Variants in ITSN1 observed in about 807,000 individuals in gnomAD.
ITSN1 encodes the protein intersectin-1.
Under a neutral mutation model 239.8 loss-of-function variants are expected in ITSN1, and 58 were observed. That is an observed-to-expected ratio of 0.24 (90% CI 0.20 to 0.30). The LOEUF (loss-of-function observed/expected upper bound fraction) is 0.30, where lower values mean the gene tolerates loss of function less well. Among genes scored for constraint, ITSN1 ranks in the 10% least tolerant of loss-of-function variants. The pLI, the probability that ITSN1 is intolerant of heterozygous loss-of-function variation, is 1.00. For missense variants in ITSN1, 1,558 were observed against 2,103.3 expected, an observed-to-expected ratio of 0.74 and a Z score of 5.07; for synonymous variants, 780 against 770.8, an observed-to-expected ratio of 1.01 and a Z score of -0.20.
Position 33,750,360 on chromosome 21 carries a change from T to C in ITSN1, c.526+38T>C, listed in dbSNP as rs1262781740. On this transcript the variant is annotated intron_variant, in intron 6 of 39. Transcript: ENST00000381318. ...CTGAAACCATAGGCTGAGTTTTTACTACTTGTATTTTGCTGTTCATTATTA... is the reference window on the plus strand; with the variant it reads ...CTGAAACCATAGGCTGAGTTTTTACCACTTGTATTTTGCTGTTCATTATTA... The C allele has an allele frequency of 3.2e-6, 5 of 1,567,082 alleles. No homozygotes were observed. In the East Asian group the frequency reaches 1.1e-4, roughly 35 times the overall value.
intron 5 of ITSN1, among the ~76,000 whole-genome samples, chr21:33,744,689 A>C (rs1004602134): frequency 3.9e-5 from 6 of 152,234 alleles, no homozygotes; most frequent in Non-Finnish European, 7.3e-5. Flanking sequence ...TTATCAAAGC[A>C]TAGTAGGAGG....
chr21:33,814,757 T>A (rs1296878548), intron 22 of ITSN1, among the ~76,000 whole-genome samples: 1 of 151,828 alleles, frequency 6.6e-6, no homozygotes, highest in Non-Finnish European at 1.5e-5. Context: ...GCAGGAAGAT[T>A]AGAGTGGAGG....
At chr21:33,674,380 C>T (rs1374094428) in intron 1 of ITSN1, among the ~76,000 whole-genome samples, 2 of 152,188 alleles carry the variant, frequency 1.3e-5, no homozygotes, top group Admixed American at 1.3e-4. Flanking sequence ...CAGTGGTTCT[C>T]AAATCTAGCA....
At chr21:33,735,473 G>A (rs371779628) in intron 5 of ITSN1, 3 of 372,336 alleles carry the variant, frequency 8.1e-6, no homozygotes, top group African/African-American at 2.1e-5. Context: ...CGCTGCTGCA[G>A]CTTCTGGGTT....
intron 1 of ITSN1, among the ~76,000 whole-genome samples, chr21:33,654,133 A>G (rs1357789416): frequency 1.3e-5 from 2 of 150,826 alleles, no homozygotes; most frequent in Non-Finnish European, 3.0e-5. Context: ...TGTATCCCCA[A>G]CCTTCCAGGT....
intron 1 of ITSN1, among the ~76,000 whole-genome samples, chr21:33,661,449 T>TA (rs2089550269): frequency 6.6e-6 from 1 of 152,118 alleles, no homozygotes; most frequent in Admixed American, 6.5e-5. Flanking sequence ...TTTTTTTTTT[T>TA]ATGTGAGTGT....
At chr21:33,847,243 C>T (rs771900849) in intron 29 of ITSN1, among the ~76,000 whole-genome samples, 2 of 152,222 alleles carry the variant, frequency 1.3e-5, no homozygotes, top group African/African-American at 4.8e-5. Flanking sequence ...TGGGGCTGTC[C>T]AGGAACCGGT....
chr21:33,726,475 C>T (rs1162758728), intron 4 of ITSN1, among the ~76,000 whole-genome samples: 1 of 151,696 alleles, frequency 6.6e-6, no homozygotes, highest in Non-Finnish European at 1.5e-5. Flanking sequence ...GTCCTTGTGT[C>T]AGTCATCTGG....
At chr21:33,761,215 A>G (rs2068299829) in intron 8 of ITSN1, among the ~76,000 whole-genome samples, 1 of 151,986 alleles carries the variant, frequency 6.6e-6, no homozygotes, top group South Asian at 2.1e-4. Context: ...AACTGTGACC[A>G]CAGGCTCATG....
At chr21:33,649,623 T>G (rs1274619541) in intron 1 of ITSN1, among the ~76,000 whole-genome samples, 1 of 151,990 alleles carries the variant, frequency 6.6e-6, no homozygotes, top group Non-Finnish European at 1.5e-5. Flanking sequence ...TCTGCTGGAG[T>G]CATGTGGTAG....
intron 1 of ITSN1, among the ~76,000 whole-genome samples, chr21:33,686,805 G>T (rs2091264031): frequency 6.6e-6 from 1 of 152,168 alleles, no homozygotes. Flanking sequence ...GAGAATTATA[G>T]AATGAATGTG....
chr21:33,851,248 C>T (rs1408069201), intron 29 of ITSN1, among the ~76,000 whole-genome samples: 2 of 152,094 alleles, frequency 1.3e-5, no homozygotes, highest in Non-Finnish European at 2.9e-5. Context: ...CCATAGCCCC[C>T]AGTGTATGGT....
intron 4 of ITSN1, among the ~76,000 whole-genome samples, chr21:33,734,110 G>T (rs1272894851): frequency 1.3e-5 from 2 of 151,550 alleles, no homozygotes; most frequent in African/African-American, 2.4e-5. Context: ...TCATAATATT[G>T]GTTTAAAAAA....
At chr21:33,858,910 T>C (rs1471856592) in intron 31 of ITSN1, 118 bp downstream of exon 31, 1 of 545,512 alleles carries the variant, frequency 1.8e-6, no homozygotes, top group Admixed American at 3.3e-5. Context: ...CTGGCTTTTT[T>C]TTTTTCTTCT....
At chr21:33,822,955 A>C (rs1230400558) in intron 24 of ITSN1, among the ~76,000 whole-genome samples, 2 of 152,236 alleles carry the variant, frequency 1.3e-5, no homozygotes, top group Non-Finnish European at 2.9e-5. Flanking sequence ...AGGCACTTCA[A>C]TAAGGAAAAG....
At position 33,737,142 on chromosome 21, in the gene ITSN1, A is replaced by G. The variant is rs573517619; in HGVS notation, c.346+1938A>G. 7.2e-5 allele frequency among the ~76,000 whole-genome samples: 11 copies of G among 152,268 alleles called. 1 individual carries two copies. The South Asian group carries it at 1.5e-3, about 20-fold the overall frequency. ...TGGGGTCAATAATTTTTCCTGTACC[A>G]TTTAATTCATTTTCTCTTATTCCAT... On this transcript the variant is annotated intron_variant, in intron 5 of 39. Transcript: ENST00000381318.
chr21:33,813,496 G>C (rs1445256231), intron 21 of ITSN1, among the ~76,000 whole-genome samples: 2 of 151,630 alleles, frequency 1.3e-5, no homozygotes, highest in African/African-American at 4.9e-5. Context: ...TGGATTACAG[G>C]GGTGCGCCAC....
At chr21:33,831,989 A>G (rs980125878) in intron 27 of ITSN1, among the ~76,000 whole-genome samples, 4 of 152,030 alleles carry the variant, frequency 2.6e-5, no homozygotes, top group African/African-American at 9.7e-5. Context: ...TCCTTCCAGC[A>G]TCATGCCCCT....
At chr21:33,856,587 C>T in intron 29 of ITSN1, 149 bp from the exon 30 acceptor site, 1 of 993,396 alleles carries the variant, frequency 1.0e-6, no homozygotes, top group Non-Finnish European at 1.5e-6. Context: ...AGGGCTTCCA[C>T]ATATTACTGG....
Sources: allele counts gnomAD v4.1 joint callset (sites outside exome capture counted in the v4.1 genomes callset), GRCh38; gene constraint gnomAD v4.1.1; transcripts MANE v1.5; gene names NCBI Gene and HGNC (gene_info 2026-07-23, HGNC 2026-07-21).